The following RPS6KA1 variants were observed in gnomAD, a reference collection of about 807,000 sequenced individuals.
RPS6KA1 encodes ribosomal protein S6 kinase alpha-1.
Under a neutral mutation model 91.3 loss-of-function variants are expected in RPS6KA1, and 48 were observed. That is an observed-to-expected ratio of 0.53 (90% CI 0.42 to 0.67). RPS6KA1 has a LOEUF of 0.67. Among genes scored for constraint, RPS6KA1 ranks in the 30% least tolerant of loss-of-function variants. The pLI is 0.00. For missense variants in RPS6KA1, 719 were observed against 960.5 expected (o/e 0.75, Z 3.32); for synonymous variants, 359 against 384.7 (o/e 0.93, Z 0.78).
chr1:26,556,460 G>A (rs1435210715), intron 11 of RPS6KA1, among the ~76,000 whole-genome samples, 194 bp from the exon 12 acceptor site: 4 of 152,188 alleles, frequency 2.6e-5, no homozygotes, highest in African/African-American at 9.7e-5. Flanking sequence ...TTCATCAGAA[G>A]CTCCAGAAAG....
Position 26,571,928 on chromosome 1 carries a change from G to C in RPS6KA1, c.1829+3G>C. The stretch of plus-strand genomic sequence containing the variant: ...CTGCTGTACACCATGCTGGCAGGGT[G>C]AGTGCCCCTGGCCTGGACCCTTCCC... On this transcript the variant is annotated splice_donor_region_variant and intron_variant, in intron 19 of 21. Transcript: ENST00000374168. The surrounding 1 kb of genome is among the most constrained non-coding windows in gnomAD (Gnocchi z 5.1). 5 of 1,611,018 alleles carry C rather than the reference G, an allele frequency of 3.1e-6. No homozygotes were observed. Among genetic ancestry groups the C allele is most frequent in the Non-Finnish European group, 4.2e-6 (5 of 1,179,530 alleles).
In RPS6KA1 at chr1:26,546,909, A is replaced by G; in HGVS notation, c.151A>G (p.Lys51Glu). ...GGAGATCTCCATCACGCACCACGTC[A>G]AGGCTGGCTCTGAGAAGGCTGATCC... is the stretch of plus-strand genomic sequence containing the variant. ...LKEISITHHV[K>E]AGSEKADPSH... is the part of the protein sequence containing the mutation. The change falls in exon 3 of 22, where the codon AAG becomes GAG. Residue 51 changes from lysine to glutamate, a missense_variant. Around this residue, in one of 5 missense-constraint regions of RPS6KA1, gnomAD observed 159 missense variants for 264.5 expected, o/e 0.60. Coordinates refer to ENST00000374168, the MANE Select transcript of RPS6KA1 (RefSeq NM_002953.4). The G allele has an allele frequency of 6.2e-7, 1 of 1,614,134 alleles. No homozygotes were observed. Among genetic ancestry groups the G allele is most frequent in the Non-Finnish European group, 8.5e-7 (1 of 1,180,018 alleles).
rs749064970 is a variant in RPS6KA1 at position 26,558,893 on chromosome 1, G to A, written c.1171G>A (p.Gly391Ser). The stretch of plus-strand genomic sequence containing the variant: ...GGCCACCGGCCTGATGGAAGACGAC[G>A]GCAAGCCTCGTGCCCCGCAGGCACC... ...FVATGLMEDD[G>S]KPRAPQAPLH... The change falls in exon 14 of 22, where the codon GGC becomes AGC. Residue 391 changes from glycine (G) to serine (S), a missense_variant. By Grantham distance (56) the Gly-to-Ser change is moderately conservative. Transcript: ENST00000374168. The surrounding 1 kb of genome is among the most constrained non-coding windows in gnomAD (Gnocchi z 4.0). The A allele has an allele frequency of 1.2e-5, 19 of 1,613,616 alleles. No homozygotes were observed. Among genetic ancestry groups the A allele is most frequent in the Admixed American group, 5.0e-5 (3 of 59,994 alleles).
Position 26,560,849 on chromosome 1 carries a change from A to G in RPS6KA1, c.1339A>G (p.Lys447Glu). The G allele has an allele frequency of 6.2e-7, 1 of 1,614,176 alleles. No homozygotes were observed. Among genetic ancestry groups the G allele is most frequent in the Non-Finnish European group, 8.5e-7 (1 of 1,180,022 alleles). Residue 447 changes from lysine to glutamate, a missense_variant and splice_region_variant, in exon 15 of 22, where the codon AAG becomes GAG. Transcript: ENST00000374168. ...GGCCACCAACATGGAGTATGCTGTC[A>G]AGGTGGGCCTCCTGACCACGTCTCG... is the stretch of plus-strand genomic sequence containing the variant. ...HKATNMEYAV[K>E]VIDKSKRDPS...
rs2076122118 is a variant in RPS6KA1, at chr1:26,558,139, T to C, written c.1085-668T>C. 6.6e-6 allele frequency among the ~76,000 whole-genome samples: 1 copy of C among 152,000 alleles called. No individual in the cohort carries two copies. Among genetic ancestry groups the C allele is most frequent in the Non-Finnish European group, 1.5e-5 (1 of 68,016 alleles). ...ACAGAGACAGCACTTCTCCAAGCAG[T>C]CCGCTGGGCAACGTGACAAGTGCAG... On this transcript the variant is annotated intron_variant, in intron 13 of 21. Transcript: ENST00000374168. The surrounding 1 kb of genome is among the most constrained non-coding windows in gnomAD (Gnocchi z 4.0).
Position 26,574,107 on chromosome 1 carries a change from T to C in RPS6KA1, c.2114T>C (p.Leu705Pro). The change falls in exon 22 of 22, where the codon CTC becomes CCC. Residue 705 changes from leucine to proline, a missense_variant. Physicochemically the swap from Leu to Pro is moderately conservative, Grantham distance 98. This residue lies in a region of RPS6KA1 where 249 missense variants were observed against 323.1 expected (regional missense o/e 0.77). Transcript: ENST00000374168. This position sits in a 1 kb window ranked among gnomAD's most constrained non-coding sequence, Gnocchi z 4.3. Reference protein sequence around the residue: ...KGAMAATYSALNSSKPTPQLK... With the variant: ...KGAMAATYSAPNSSKPTPQLK... Reference sequence around the variant, plus strand: ...GCCATGGCTGCCACGTACTCCGCACTCAACAGCTCCAAGCCCACCCCCCAG... The same window carrying C: ...GCCATGGCTGCCACGTACTCCGCACCCAACAGCTCCAAGCCCACCCCCCAG... 2 of 1,614,104 alleles carry C rather than the reference T, an allele frequency of 1.2e-6. No individual in the cohort carries two copies. Among genetic ancestry groups the C allele is most frequent in the South Asian group, 2.2e-5 (2 of 91,088 alleles).
At chr1:26,543,567 A>G (rs1365631842) in intron 2 of RPS6KA1, among the ~76,000 whole-genome samples, 5 of 152,156 alleles carry the variant, frequency 3.3e-5, no homozygotes, top group Non-Finnish European at 5.9e-5. Context: ...AGGGTTAGGT[A>G]TCTTCCCCTG....
At position 26,572,180 on chromosome 1, in the gene RPS6KA1, A is replaced by T; in HGVS notation, c.1834A>T (p.Thr612Ser). Residue 612 changes from threonine (T) to serine (S), a missense_variant, in exon 20 of 22, where the codon ACT (threonine) becomes TCT (serine). By Grantham distance (58) the Thr-to-Ser change is moderately conservative. This residue lies in a region of RPS6KA1 where 249 missense variants were observed against 323.1 expected (regional missense o/e 0.77). Transcript: ENST00000374168. ...ACCGTGCGGGCTTTTCTGCAGATAT[A>T]CTCCATTTGCCAACGGTCCCAGTGA... ...ILLYTMLAGY[T>S]PFANGPSDTP... The T allele has an allele frequency of 6.2e-7, 1 of 1,613,038 alleles. No individual in the cohort carries two copies. Among genetic ancestry groups the T allele is most frequent in the East Asian group, 2.2e-5 (1 of 44,804 alleles).
rs1263129013 is a variant in RPS6KA1 at position 26,555,624 on chromosome 1, C to T, written c.915C>T (p.Leu305=). ...TCAAGCGGAATCCTGCCAACCGGCT[C>T]GGTAAGCAGCCCCAGCTCAGGGGAG... ...ALFKRNPANR[L]GSGPDGAEEI... The change falls in exon 11 of 22, where the codon CTC becomes CTT. Residue 305 remains leucine (L), a splice_region_variant and synonymous_variant. Transcript: ENST00000374168. The surrounding 1 kb of genome is among the most constrained non-coding windows in gnomAD (Gnocchi z 4.3). 18 of 1,589,542 alleles carry T rather than the reference C, an allele frequency of 1.1e-5. No homozygotes were observed. Among genetic ancestry groups the T allele is most frequent in the Admixed American group, 1.7e-5 (1 of 57,616 alleles).
chr1:26,544,056 A>C (rs1328169448), intron 2 of RPS6KA1: 1 of 455,812 alleles, frequency 2.2e-6, no homozygotes, highest in Non-Finnish European at 4.4e-6. Context: ...GTCTCCCCTC[A>C]TCTCTTTCCC....
chr1:26,557,084 G>A lies in RPS6KA1; in HGVS notation c.1068G>A (p.Thr356=), dbSNP rs753602876. Residue 356 remains threonine, a synonymous_variant, in exon 13 of 22, where the codon ACG becomes ACA. Coordinates refer to ENST00000374168, the MANE Select transcript of RPS6KA1 (RefSeq NM_002953.4). ...CCTTCTACTTTGACACCGAGTTCACGTCCCGCACACCCAAGGGTGCGTCCC... is the reference window on the plus strand; with the variant it reads ...CCTTCTACTTTGACACCGAGTTCACATCCCGCACACCCAAGGGTGCGTCCC... ...DDTFYFDTEF[T]SRTPKDSPGI... The A allele has an allele frequency of 5.6e-6, 9 of 1,613,612 alleles. No individual in the cohort carries two copies. Among genetic ancestry groups the A allele is most frequent in the Admixed American group, 3.3e-5 (2 of 59,996 alleles).
At position 26,550,171 on chromosome 1, in the gene RPS6KA1, G is replaced by A. The variant is rs531866026; in HGVS notation, c.308-1226G>A. 5.5e-5 allele frequency among the ~76,000 whole-genome samples: 8 copies of A among 145,734 alleles called. No homozygotes were observed. The South Asian group carries it at 6.6e-4, about 12-fold the overall frequency. ...TAGTATTACAGGCATGAGCCACCAC[G>A]CCTGGCCAATTTTTTTTTTTTTTTT... On this transcript the variant is annotated intron_variant, in intron 4 of 21. Transcript: ENST00000374168.
chr1:26,573,688 C>G (rs909888435), intron 21 of RPS6KA1, among the ~76,000 whole-genome samples: 1 of 152,050 alleles, frequency 6.6e-6, no homozygotes, highest in Non-Finnish European at 1.5e-5. Context: ...ACCTGTAATC[C>G]CAGCACTTTG....
At position 26,536,962 on chromosome 1, in the gene RPS6KA1, C is replaced by T. The variant is rs201278235; in HGVS notation, c.101C>T (p.Pro34Leu). The part of the protein sequence containing the change: ...QTSGEEAGLQ[P>L]SKDEGVLKEI... ...TCAGGGGAAGAAGCTGGACTTCAGC[C>T]GTCCAAGGTGAGGACCATGGCCAGC... Residue 34 changes from proline (P) to leucine (L), a missense_variant, in exon 2 of 22, where the codon CCG becomes CTG. Pro to Leu is a moderately conservative substitution (Grantham distance 98). Coordinates refer to ENST00000374168, the MANE Select transcript of RPS6KA1 (RefSeq NM_002953.4). 5.7e-5 allele frequency: 92 copies of T among 1,613,998 alleles called. No homozygotes were observed. In the African/African-American group the frequency reaches 9.5e-4, roughly 17 times the overall value.
Position 26,555,224 on chromosome 1 carries a change from A to G in RPS6KA1, c.827+3A>G. ...GAGACCATGACACTGATTCTGAAGT[A>G]AGCCCCAGCCCTGCCCTGATAACAA... On this transcript the variant is annotated splice_donor_region_variant and intron_variant, in intron 10 of 21. Coordinates refer to ENST00000374168, the MANE Select transcript of RPS6KA1 (RefSeq NM_002953.4). This position sits in a 1 kb window ranked among gnomAD's most constrained non-coding sequence, Gnocchi z 4.3. 6.2e-7 allele frequency: 1 copy of G among 1,614,058 alleles called. No individual in the cohort carries two copies. Among genetic ancestry groups the G allele is most frequent in the Non-Finnish European group, 8.5e-7 (1 of 1,179,934 alleles).
chr1:26,531,639 A>G (rs1371756823), intron 1 of RPS6KA1, among the ~76,000 whole-genome samples: 2 of 152,150 alleles, frequency 1.3e-5, no homozygotes, highest in Non-Finnish European at 2.9e-5. Flanking sequence ...AGAGGGGAAG[A>G]CCAGCGGACT....
intron 11 of RPS6KA1, 151 bp from the exon 12 acceptor site, chr1:26,556,503 G>T: frequency 1.3e-6 from 1 of 742,472 alleles, no homozygotes; most frequent in Non-Finnish European, 2.4e-6. Context: ...AGGCCTTAGG[G>T]TGATGGCTGG....
chr1:26,574,167 G>T lies in RPS6KA1; in HGVS notation c.2174G>T (p.Arg725Leu), dbSNP rs775512830. Residue 725 changes from arginine (R) to leucine (L), a missense_variant, in exon 22 of 22, where the codon CGG (arginine) becomes CTG (leucine). By Grantham distance (102) the Arg-to-Leu change is moderately radical (BLOSUM62 -2). Around this residue, in one of 5 missense-constraint regions of RPS6KA1, gnomAD observed 249 missense variants for 323.1 expected, o/e 0.77. Coordinates refer to ENST00000374168, the MANE Select transcript of RPS6KA1 (RefSeq NM_002953.4). The surrounding 1 kb of genome is among the most constrained non-coding windows in gnomAD (Gnocchi z 4.3). ...KPIESSILAQ[R>L]RVRKLPSTTL ...ATCGAGTCATCCATCCTGGCCCAGC[G>T]GCGAGTGAGGAAGTTGCCATCCACC... 6.2e-7 allele frequency: 1 copy of T among 1,614,092 alleles called. No homozygotes were observed. The highest frequency in any genetic ancestry group is 1.6e-4 in the Middle Eastern group (1 of 6,062).
chr1:26,545,714 G>A, intron 2 of RPS6KA1: 4 of 790,384 alleles, frequency 5.1e-6, no homozygotes. Flanking sequence ...GAGGGGGAGA[G>A]AGAGGAAGGG....
Sources: allele counts gnomAD v4.1 joint callset (sites outside exome capture counted in the v4.1 genomes callset), GRCh38; gene constraint gnomAD v4.1.1; regional missense constraint gnomAD v4.1.1; non-coding constraint Gnocchi (gnomAD v3.1); transcripts MANE v1.5; gene names NCBI Gene and HGNC (gene_info 2026-07-23, HGNC 2026-07-21).